Variants in NFATC1 observed in about 807,000 individuals in gnomAD.
NFATC1 encodes the protein nuclear factor of activated T cells 1, also known as nuclear factor of activated T-cells, cytoplasmic 1.
In NFATC1, 22 loss-of-function variants were observed where a neutral mutation model predicts 76.0. That is an observed-to-expected ratio of 0.29 (90% CI 0.21 to 0.41). The LOEUF (loss-of-function observed/expected upper bound fraction) is 0.41. Among genes scored for constraint, NFATC1 ranks in the 10% least tolerant of loss-of-function variants. The probability of loss-of-function intolerance (pLI) is 1.00; values close to 1 mark genes in which losing one functional copy is unlikely to be tolerated. For synonymous variants in NFATC1, 704 were observed against 613.1 expected (o/e 1.15, Z -2.19); for missense variants, 1,357 against 1,337.7 (o/e 1.01, Z -0.23).
intron 6 of NFATC1, among the ~76,000 whole-genome samples, chr18:79,457,990 C>T (rs985528924): frequency 4.6e-5 from 7 of 152,218 alleles, no homozygotes; most frequent in African/African-American, 7.2e-5. Context: ...GTCGATGGCA[C>T]TAGGCCACGT....
intron 2 of NFATC1, among the ~76,000 whole-genome samples, chr18:79,424,585 TTCTCTG>T: frequency 7.4e-6 from 1 of 135,974 alleles, no homozygotes; most frequent in Non-Finnish European, 1.6e-5. Flanking sequence ...CTCCATCTCT[TTCTCTG>T]TCTCTCTCTG....
At chr18:79,459,359 G>A (rs544540049) in intron 6 of NFATC1, among the ~76,000 whole-genome samples, 11 of 152,316 alleles carry the variant, frequency 7.2e-5, no homozygotes, top group Admixed American at 3.9e-4. Flanking sequence ...TGGACTCACC[G>A]CTGCGGGGCA....
chr18:79,427,884 C>CGGTGGGTGG (rs2086444903), intron 2 of NFATC1, among the ~76,000 whole-genome samples: 1 of 114,038 alleles, frequency 8.8e-6, no homozygotes, highest in Admixed American at 1.1e-4. Flanking sequence ...GGCCTCTGTG[C>CGGTGGGTGG]AGTGAGTCGG....
At chr18:79,515,516 C>T (rs1248479329) in intron 9 of NFATC1, among the ~76,000 whole-genome samples, 3 of 151,902 alleles carry the variant, frequency 2.0e-5, no homozygotes, top group Non-Finnish European at 4.4e-5. Context: ...TGCAGCCTGG[C>T]CGGGGACCAG....
intron 2 of NFATC1, among the ~76,000 whole-genome samples, chr18:79,427,666 T>TGCG (rs1600681758): frequency 3.3e-5 from 2 of 61,146 alleles, no homozygotes; most frequent in Non-Finnish European, 5.4e-5. Flanking sequence ...CTGGCCTCTG[T>TGCG]GTGGTGTGGG....
At chr18:79,400,994 C>A (rs901104828) in intron 1 of NFATC1, among the ~76,000 whole-genome samples, 1 of 116,564 alleles carries the variant, frequency 8.6e-6, no homozygotes, top group Non-Finnish European at 1.8e-5. Flanking sequence ...GCAGACCCCC[C>A]CAAGCCTCCA....
chr18:79,437,722 G>A (rs753324638), intron 3 of NFATC1, among the ~76,000 whole-genome samples: 2 of 152,240 alleles, frequency 1.3e-5, no homozygotes, highest in Admixed American at 6.5e-5. Context: ...CTCTGCCTGA[G>A]GGGGAGGGTC....
At chr18:79,427,392 TTGGGGGGAG>T (rs2086383005) in intron 2 of NFATC1, among the ~76,000 whole-genome samples, 1 of 77,588 alleles carries the variant, frequency 1.3e-5, no homozygotes. Flanking sequence ...GTGCAGTGGG[TTGGGGGGAG>T]CTGGATGGCT....
At position 79,469,649 on chromosome 18, in the gene NFATC1, C is replaced by A. The variant is rs541759346; in HGVS notation, c.2092+2067C>A. 1.5e-5 allele frequency: 15 copies of A among 985,928 alleles called. No homozygotes were observed. The South Asian group carries it at 5.6e-4, about 37-fold the overall frequency. The allele number at this position is 985,928 out of a possible 1,614,324, so 61.1% of individuals were successfully genotyped here. A position where few individuals can be genotyped will look rare whatever the true frequency, so the allele number is the denominator to read the frequency against. ...TGTCTCGGCTGCACCCTCCACCCCC[C>A]ATCTGCTCCAGCATGGCTCAACGCA... On this transcript the variant is annotated intron_variant, in intron 8 of 9. Transcript: ENST00000427363.
intron 9 of NFATC1, among the ~76,000 whole-genome samples, chr18:79,500,474 T>C (rs2089989102): frequency 6.6e-6 from 1 of 152,044 alleles, no homozygotes; most frequent in South Asian, 2.1e-4. Context: ...AGCTTTTTCC[T>C]TAAAAATGTT....
Position 79,521,360 on chromosome 18 carries a change from A to ATG in NFATC1, c.2783-6155_2783-6154dup, listed in dbSNP as rs1173356903. 3.7e-4 allele frequency among the ~76,000 whole-genome samples: 22 copies of ATG among 59,832 alleles called. No individual in the cohort carries two copies. The East Asian group carries it at 6.6e-3, about 18-fold the overall frequency. 39.3% of individuals were successfully genotyped at this position (59,832 alleles called of 152,430 possible). ...GTGTGTAGGGGGGGAGCATCCACTG[A>ATG]TGTGTGTGTGTGTGGGGAGCATCCA... On this transcript the variant is annotated intron_variant, in intron 9 of 9. Coordinates refer to ENST00000427363, the MANE Select transcript of NFATC1 (RefSeq NM_001278669.2).
At chr18:79,523,916 C>T (rs576464215) in intron 9 of NFATC1, 1 of 152,330 alleles carries the variant, frequency 6.6e-6, no homozygotes, top group Admixed American at 6.5e-5. Flanking sequence ...TTTCAGGTCT[C>T]CCACACGCCG....
chr18:79,527,198 G>T (rs1287200034), intron 9 of NFATC1: 2 of 264,950 alleles, frequency 7.5e-6, no homozygotes, highest in Non-Finnish European at 1.5e-5. Context: ...GTGTGGACCT[G>T]TGGGTCGCTT....
Position 79,411,205 on chromosome 18 carries a change from G to A in NFATC1, c.930G>A (p.Ser310=), listed in dbSNP as rs369198947. 18 of 1,608,916 alleles carry A rather than the reference G, an allele frequency of 1.1e-5. No homozygotes were observed. The highest frequency in any genetic ancestry group is 2.7e-5 in the African/African-American group (2 of 74,904). The part of the protein sequence containing the change: ...WLGNTTQYTS[S]AIVAAINALT... Reference sequence around the variant, plus strand: ...GCAACACCACCCAGTACACCAGCTCGGCCATCGTGGCCGCCATCAACGCGC... The same window carrying A: ...GCAACACCACCCAGTACACCAGCTCAGCCATCGTGGCCGCCATCAACGCGC... Residue 310 remains serine, a synonymous_variant, in exon 2 of 10, where the codon TCG becomes TCA. Transcript: ENST00000427363.
At chr18:79,438,629 T>A (rs1001030658) in intron 3 of NFATC1, among the ~76,000 whole-genome samples, 3 of 152,208 alleles carry the variant, frequency 2.0e-5, no homozygotes, top group African/African-American at 7.2e-5. Flanking sequence ...TTGCAGCTTA[T>A]AATATTGTCA....
Position 79,416,597 on chromosome 18 carries a change from G to A in NFATC1, c.1226+5096G>A, listed in dbSNP as rs144872530. 9.0e-3 allele frequency among the ~76,000 whole-genome samples: 1,366 copies of A among 152,320 alleles called. 21 individuals are homozygous for A. The highest frequency in any genetic ancestry group is 0.031 in the African/African-American group (1,294 of 41,562). On this transcript the variant is annotated intron_variant, in intron 2 of 9. Coordinates refer to ENST00000427363, the MANE Select transcript of NFATC1 (RefSeq NM_001278669.2). ...CCGTGGGGTCTTCCCCGAGCTTCCC[G>A]CTGCCATCACCTCCTGGGAAGACGG...
chr18:79,520,172 G>A (rs377334848), intron 9 of NFATC1, among the ~76,000 whole-genome samples: 4 of 152,214 alleles, frequency 2.6e-5, no homozygotes, highest in African/African-American at 2.4e-5. Flanking sequence ...CAGCCTTCTC[G>A]AAGCCCCTCC....
intron 3 of NFATC1, among the ~76,000 whole-genome samples, chr18:79,445,409 T>C (rs988912431): frequency 2.0e-5 from 3 of 152,292 alleles, no homozygotes; most frequent in African/African-American, 7.2e-5. Context: ...CGTCCTCCCA[T>C]GACAGATGCA....
chr18:79,498,050 C>T (rs1421318801), intron 9 of NFATC1: 2 of 106,986 alleles, frequency 1.9e-5, no homozygotes, highest in African/African-American at 6.7e-5. Context: ...AACAACAAGT[C>T]CTATTTGGAG....
Sources: gnomAD v4.1 joint callset for allele counts (sites outside exome capture counted in the v4.1 genomes callset) on GRCh38, gnomAD v4.1.1 for gene constraint, MANE v1.5 for transcripts, NCBI Gene and HGNC (gene_info 2026-07-23, HGNC 2026-07-21) for gene names.